Variants in PLCB1 observed in about 807,000 individuals in gnomAD.
PLCB1 encodes 1-phosphatidylinositol 4,5-bisphosphate phosphodiesterase beta-1.
Under a neutral mutation model 161.8 loss-of-function variants are expected in PLCB1, and 46 were observed. That is an observed-to-expected ratio of 0.28 (90% CI 0.22 to 0.36). PLCB1 has a LOEUF of 0.36. PLCB1 is among the 10% of genes least tolerant of loss of function. The pLI, the probability that PLCB1 is intolerant of heterozygous loss-of-function variation, is 1.00. For missense variants in PLCB1, 1,016 were observed against 1,472.5 expected (o/e 0.69, Z 5.07); for synonymous variants, 517 against 503.7 (o/e 1.03, Z -0.35).
intron 2 of PLCB1, among the ~76,000 whole-genome samples, chr20:8,298,393 C>CT (rs1983737155): frequency 6.6e-6 from 1 of 151,834 alleles, no homozygotes; most frequent in African/African-American, 2.4e-5. Flanking sequence ...TTGTGTTATC[C>CT]TTTAAAGAGT....
chr20:8,170,046 T>G (rs777657657), intron 2 of PLCB1, among the ~76,000 whole-genome samples: 26 of 152,170 alleles, frequency 1.7e-4, no homozygotes, highest in Non-Finnish European at 3.4e-4. Context: ...AAGGGTACAC[T>G]GATATATTCC....
chr20:8,316,810 C>T (rs945061972), intron 2 of PLCB1, among the ~76,000 whole-genome samples: 1 of 152,024 alleles, frequency 6.6e-6, no homozygotes, highest in Non-Finnish European at 1.5e-5. Flanking sequence ...TCAAGGCAGA[C>T]CAGTTAGTAC....
At chr20:8,177,071 G>C (rs1412815940) in intron 2 of PLCB1, among the ~76,000 whole-genome samples, 2 of 151,974 alleles carry the variant, frequency 1.3e-5, no homozygotes, top group Admixed American at 6.6e-5. Context: ...AATTTTACAC[G>C]AGAGTGCAAA....
intron 3 of PLCB1, among the ~76,000 whole-genome samples, chr20:8,507,053 A>G (rs1007888272): frequency 6.6e-6 from 1 of 152,200 alleles, no homozygotes; most frequent in East Asian, 1.9e-4. Context: ...CATATTTTGT[A>G]TGCTATGTAT....
At chr20:8,390,753 G>T (rs957253232) in intron 3 of PLCB1, among the ~76,000 whole-genome samples, 3 of 152,120 alleles carry the variant, frequency 2.0e-5, no homozygotes, top group African/African-American at 7.2e-5. Flanking sequence ...CACCCAGTAT[G>T]TGTCTTTGTG....
chr20:8,478,051 A>G (rs1452145835), intron 3 of PLCB1, among the ~76,000 whole-genome samples: 2 of 152,242 alleles, frequency 1.3e-5, no homozygotes, highest in Admixed American at 6.5e-5. Flanking sequence ...AATTTAATCA[A>G]TAATTCAAAA....
At chr20:8,407,387 G>T (rs1978831082) in intron 3 of PLCB1, among the ~76,000 whole-genome samples, 1 of 152,126 alleles carries the variant, frequency 6.6e-6, no homozygotes, top group South Asian at 2.1e-4. Context: ...TTTTCACATT[G>T]CTGATAAAGA....
At chr20:8,808,607 C>G (rs919589309) in intron 31 of PLCB1, among the ~76,000 whole-genome samples, 1 of 152,180 alleles carries the variant, frequency 6.6e-6, no homozygotes, top group East Asian at 1.9e-4. Context: ...AAACTATCAT[C>G]TATTTACCTA....
chr20:8,549,195 A>AT (rs1985681635), intron 3 of PLCB1, among the ~76,000 whole-genome samples: 1 of 152,176 alleles, frequency 6.6e-6, no homozygotes, highest in Non-Finnish European at 1.5e-5. Flanking sequence ...AAATAAATAA[A>AT]TAAATATATA....
intron 3 of PLCB1, among the ~76,000 whole-genome samples, chr20:8,375,434 A>G (rs1987041062): frequency 1.3e-5 from 2 of 152,226 alleles, no homozygotes; most frequent in Admixed American, 6.5e-5. Flanking sequence ...TGCAGCTTTC[A>G]TAAAATAAAA....
At chr20:8,136,668 C>T (rs925613199) in intron 1 of PLCB1, among the ~76,000 whole-genome samples, 1 of 151,586 alleles carries the variant, frequency 6.6e-6, no homozygotes, top group African/African-American at 2.4e-5. Context: ...ATAAGATGGA[C>T]GTGAATTTTA....
At position 8,802,081 on chromosome 20, in the gene PLCB1, C is replaced by A. The variant is rs1361878097; in HGVS notation, c.3423+11820C>A. 3 of 1,610,824 alleles carry A rather than the reference C, an allele frequency of 1.9e-6. No individual in the cohort carries two copies. In the Admixed American group the frequency reaches 5.0e-5, roughly 27 times the overall value. On this transcript the variant is annotated intron_variant, in intron 31 of 31. Coordinates refer to ENST00000338037, the MANE Select transcript of PLCB1 (RefSeq NM_015192.4). ...GGGGAAGGTTCCTCCTCATTCTTGT[C>A]GGAAACTTGCCATGAGGATCCCTCT... is the stretch of plus-strand genomic sequence containing the variant.
At chr20:8,651,198 C>T (rs1407810243) in intron 7 of PLCB1, among the ~76,000 whole-genome samples, 2 of 152,154 alleles carry the variant, frequency 1.3e-5, no homozygotes, top group Non-Finnish European at 2.9e-5. Context: ...TTGAGCCCCT[C>T]AAAATGTGCC....
intron 3 of PLCB1, among the ~76,000 whole-genome samples, chr20:8,517,548 C>A (rs1984181403): frequency 6.6e-6 from 1 of 152,174 alleles, no homozygotes; most frequent in Non-Finnish European, 1.5e-5. Flanking sequence ...AATCAGCATG[C>A]ACTTTATATA....
At chr20:8,261,560 A>C (rs1981700174) in intron 2 of PLCB1, among the ~76,000 whole-genome samples, 1 of 152,252 alleles carries the variant, frequency 6.6e-6, no homozygotes, top group Non-Finnish European at 1.5e-5. Context: ...TGATCTTTCC[A>C]TGAGCCATTA....
At chr20:8,486,385 G>C (rs1420028533) in intron 3 of PLCB1, among the ~76,000 whole-genome samples, 9 of 151,090 alleles carry the variant, frequency 6.0e-5, no homozygotes, top group South Asian at 2.1e-4. Flanking sequence ...AGACTTTCAA[G>C]TTGGAAAAAG....
chr20:8,340,129 A>T (rs904865247), intron 2 of PLCB1, among the ~76,000 whole-genome samples: 8 of 152,128 alleles, frequency 5.3e-5, no homozygotes, highest in African/African-American at 1.9e-4. Context: ...AATTCCCCTT[A>T]ATTGATAATT....
At chr20:8,311,213 AC>A (rs755779666) in intron 2 of PLCB1, among the ~76,000 whole-genome samples, 4 of 152,260 alleles carry the variant, frequency 2.6e-5, no homozygotes, top group East Asian at 1.9e-4. Flanking sequence ...AATGTAAAAA[AC>A]AATCTGTAAA....
chr20:8,408,990 A>G (rs1978911759), intron 3 of PLCB1, among the ~76,000 whole-genome samples: 1 of 152,216 alleles, frequency 6.6e-6, no homozygotes, highest in African/African-American at 2.4e-5. Context: ...TTTAATTTTC[A>G]GTATTTTACA....
Sources: gnomAD v4.1 joint callset for allele counts (sites outside exome capture counted in the v4.1 genomes callset) on GRCh38, gnomAD v4.1.1 for gene constraint, MANE v1.5 for transcripts, NCBI Gene and HGNC (gene_info 2026-07-23, HGNC 2026-07-21) for gene names.